The following DTHD1 variants were observed in gnomAD, a reference collection of about 807,000 sequenced individuals.
The protein encoded by DTHD1 is death domain containing 1.
DTHD1 carries 59 observed loss-of-function variants against 74.8 expected under a neutral mutation model. The ratio of observed to expected loss-of-function variants is 0.79; its 90% CI spans 0.64 to 0.98. DTHD1 has a LOEUF of 0.98. Ranked by LOEUF, DTHD1 falls within the 50% of genes least tolerant of loss-of-function variation. The probability of loss-of-function intolerance (pLI) is 0.00; values close to 1 mark genes in which losing one functional copy is unlikely to be tolerated. For synonymous variants in DTHD1, 365 were observed against 371.1 expected, an observed-to-expected ratio of 0.98 and a Z score of 0.19; for missense variants, 1,051 against 1,065.4, an observed-to-expected ratio of 0.99 and a Z score of 0.19.
At position 36,343,543 on chromosome 4, in the gene DTHD1, C is replaced by A. The variant is rs1405829681; in HGVS notation, c.2440C>A (p.Leu814Ile). The A allele has an allele frequency of 1.3e-6, 2 of 1,551,548 alleles. No homozygotes were observed. Among genetic ancestry groups the A allele is most frequent in the African/African-American group, 2.7e-5 (2 of 73,162 alleles). The change falls in exon 10 of 10, where the codon CTC (leucine) becomes ATC (isoleucine). Residue 814 changes from leucine (L) to isoleucine (I), a missense_variant. Physicochemically the swap from Leu to Ile is conservative, Grantham distance 5 (BLOSUM62 2). Transcript: ENST00000639862. ...DNLLHWLAEELSEENAESLSS... is the reference protein window; with the variant it reads ...DNLLHWLAEEISEENAESLSS... ...CTTGCTCCATTGGCTGGCTGAGGAG[C>A]TCTCAGAAGAAAATGCTGAGTCTCT...
In DTHD1 at chr4:36,290,505, A is replaced by G; in HGVS notation, c.1020A>G (p.Glu340=). 6.4e-7 allele frequency: 1 copy of G among 1,551,720 alleles called. No homozygotes were observed. The highest frequency in any genetic ancestry group is 8.7e-7 in the Non-Finnish European group (1 of 1,146,988). The stretch of plus-strand genomic sequence containing the variant: ...GTTCTTTAATAGTGGGTGATAATGA[A>G]GAGTTAGTTAGCAACGTCATAACTA... ...HMSSLIVGDN[E]ELVSNVITIE... The change falls in exon 3 of 10, where the codon GAA becomes GAG. Residue 340 remains glutamate, a synonymous_variant. Coordinates refer to ENST00000639862, the MANE Select transcript of DTHD1 (RefSeq NM_001170700.3).
At chr4:36,340,917 G>A (rs748101798) in intron 9 of DTHD1, among the ~76,000 whole-genome samples, 1 of 152,086 alleles carries the variant, frequency 6.6e-6, no homozygotes, top group African/African-American at 2.4e-5. Context: ...GAAGACAGCT[G>A]GCAAAGGGCA....
At chr4:36,338,455 G>A (rs544090116) in intron 8 of DTHD1, among the ~76,000 whole-genome samples, 5 of 152,030 alleles carry the variant, frequency 3.3e-5, no homozygotes, top group Non-Finnish European at 5.9e-5. Flanking sequence ...CATCCATAAA[G>A]ACATTTCAGG....
At position 36,284,007 on chromosome 4, in the gene DTHD1, A is replaced by G; in HGVS notation, c.303A>G (p.Lys101=). The change falls in exon 2 of 10, where the codon AAA becomes AAG. Residue 101 remains lysine (K), a synonymous_variant. Coordinates refer to ENST00000639862, the MANE Select transcript of DTHD1 (RefSeq NM_001170700.3). ...EIITFIDCLI[K]ITEHLGSTAA... ...TTACTTTCATAGACTGCCTCATAAA[A>G]ATAACTGAACATTTGGGGAGCACTG... 6.5e-7 allele frequency: 1 copy of G among 1,536,804 alleles called. No homozygotes were observed. The highest frequency in any genetic ancestry group is 8.7e-7 in the Non-Finnish European group (1 of 1,146,740).
At chr4:36,303,028 G>T (rs1428690800) in intron 5 of DTHD1, among the ~76,000 whole-genome samples, 1 of 152,112 alleles carries the variant, frequency 6.6e-6, no homozygotes, top group African/African-American at 2.4e-5. Context: ...AGATAAACTA[G>T]CATGACATTT....
rs778835630 is a variant in DTHD1, at chr4:36,308,458, T to A, written c.2060T>A (p.Leu687His). Residue 687 changes from leucine (L) to histidine (H), a missense_variant, in exon 7 of 10, where the codon CTT becomes CAT. Transcript: ENST00000639862. The part of the protein sequence containing the change: ...RHFQVREGEQ[L>H]LLRFTGNIFA... ...TTCCAAGTTCGAGAAGGAGAACAAC[T>A]TCTTTTAAGATTTACTGGAAACATA... 1.9e-6 allele frequency: 3 copies of A among 1,551,604 alleles called. No homozygotes were observed. Among genetic ancestry groups the A allele is most frequent in the Non-Finnish European group, 2.6e-6 (3 of 1,146,948 alleles).
rs1759605645 is a variant in DTHD1 at position 36,346,692 on chromosome 4, C to G, written c.*2868C>G. Among the ~76,000 whole-genome samples the G allele has an allele frequency of 6.6e-6, 1 of 151,954 alleles. No homozygotes were observed. Among genetic ancestry groups the G allele is most frequent in the African/African-American group, 2.4e-5 (1 of 41,364 alleles). ...ATCAGAGATGCCTTGTTCGCTTTTGCTAATGCAAAGCCCCAGCAGAAGACA... is the reference window on the plus strand; with the variant it reads ...ATCAGAGATGCCTTGTTCGCTTTTGGTAATGCAAAGCCCCAGCAGAAGACA... On this transcript the variant is annotated 3_prime_UTR_variant, in exon 10 of 10. Coordinates refer to ENST00000639862, the MANE Select transcript of DTHD1 (RefSeq NM_001170700.3).
chr4:36,293,086 T>C (rs934406139), intron 3 of DTHD1, among the ~76,000 whole-genome samples: 4 of 152,216 alleles, frequency 2.6e-5, no homozygotes, highest in Non-Finnish European at 5.9e-5. Flanking sequence ...GCACAGGTGT[T>C]ACAGTGTTTG....
In DTHD1 at chr4:36,290,426, C is replaced by T; in HGVS notation, c.941C>T (p.Thr314Ile). The change falls in exon 3 of 10, where the codon ACA becomes ATA. Residue 314 changes from threonine to isoleucine, a missense_variant. Transcript: ENST00000639862. ...VTGPQVSCYITAPSYVLQQLE... is the reference protein window; with the variant it reads ...VTGPQVSCYIIAPSYVLQQLE... Reference sequence around the variant, plus strand: ...GGCCCCCAAGTGTCTTGTTATATTACAGCACCATCATATGTTCTACAACAA... The same window carrying T: ...GGCCCCCAAGTGTCTTGTTATATTATAGCACCATCATATGTTCTACAACAA... The T allele has an allele frequency of 6.4e-7, 1 of 1,551,914 alleles. No homozygotes were observed. The highest frequency in any genetic ancestry group is 8.7e-7 in the Non-Finnish European group (1 of 1,147,004).
At chr4:36,318,816 G>T (rs552709105) in intron 8 of DTHD1, among the ~76,000 whole-genome samples, 123 of 152,002 alleles carry the variant, frequency 8.1e-4, no homozygotes, top group Non-Finnish European at 1.6e-3. Context: ...GGGTTTCACC[G>T]TGTTAGCCAG....
intron 5 of DTHD1, among the ~76,000 whole-genome samples, chr4:36,302,238 T>C (rs900524975): frequency 6.6e-6 from 1 of 152,202 alleles, no homozygotes; most frequent in Non-Finnish European, 1.5e-5. Flanking sequence ...CCGTTTTCAA[T>C]AGCAGTGAGG....
chr4:36,325,681 GA>G (rs1463731443), intron 8 of DTHD1, among the ~76,000 whole-genome samples: 1 of 152,168 alleles, frequency 6.6e-6, no homozygotes, highest in African/African-American at 2.4e-5. Context: ...AATATTGGCA[GA>G]TAGAGGAAGT....
At chr4:36,287,641 A>G (rs1423959592) in intron 2 of DTHD1, among the ~76,000 whole-genome samples, 1 of 152,192 alleles carries the variant, frequency 6.6e-6, no homozygotes, top group Non-Finnish European at 1.5e-5. Context: ...CATCCACACC[A>G]ACATCTTGTT....
In DTHD1 at chr4:36,290,491, G is replaced by A; in HGVS notation, c.1006G>A (p.Val336Met). The A allele has an allele frequency of 1.9e-6, 3 of 1,551,716 alleles. No homozygotes were observed. The highest frequency in any genetic ancestry group is 2.6e-6 in the Non-Finnish European group (3 of 1,146,988). The stretch of plus-strand genomic sequence containing the variant: ...AATAAATCACATGAGTTCTTTAATA[G>A]TGGGTGATAATGAAGAGTTAGTTAG... Reference protein sequence around the residue: ...RIINHMSSLIVGDNEELVSNV... With the variant: ...RIINHMSSLIMGDNEELVSNV... The change falls in exon 3 of 10, where the codon GTG becomes ATG. Residue 336 changes from valine to methionine, a missense_variant. Transcript: ENST00000639862.
chr4:36,291,273 G>T (rs1284222285), intron 3 of DTHD1, among the ~76,000 whole-genome samples: 1 of 152,174 alleles, frequency 6.6e-6, no homozygotes, highest in Non-Finnish European at 1.5e-5. Context: ...ACACTTTCTT[G>T]CTGTGTGAAC....
chr4:36,343,930 C>A lies in DTHD1; in HGVS notation c.*106C>A, dbSNP rs1759465322. The A allele has an allele frequency of 9.1e-7, 1 of 1,096,388 alleles. No homozygotes were observed. The highest frequency in any genetic ancestry group is 1.3e-6 in the Non-Finnish European group (1 of 787,128). 67.9% of individuals were successfully genotyped at this position (1,096,388 alleles called of 1,614,324 possible). ...CCGAATGATATTATTTGAAGTCAGT[C>A]TATTTAATGATGTGCTATTTAATGA... is the stretch of plus-strand genomic sequence containing the variant. On this transcript the variant is annotated 3_prime_UTR_variant, in exon 10 of 10. Coordinates refer to ENST00000639862, the MANE Select transcript of DTHD1 (RefSeq NM_001170700.3).
intron 7 of DTHD1, 140 bp from the exon 8 acceptor site, chr4:36,316,102 A>AT (rs1410608845): frequency 1.4e-6 from 1 of 727,714 alleles, no homozygotes; most frequent in African/African-American, 1.8e-5. Flanking sequence ...CGCCCGGTTA[A>AT]TTTTTTGTAT....
At chr4:36,319,266 G>A (rs1332743316) in intron 8 of DTHD1, among the ~76,000 whole-genome samples, 1 of 152,204 alleles carries the variant, frequency 6.6e-6, no homozygotes, top group South Asian at 2.1e-4. Context: ...CTGGCACATA[G>A]TAGGCACCCT....
chr4:36,306,311 G>C lies in DTHD1; in HGVS notation c.1764G>C (p.Gln588His). 13 of 1,551,550 alleles carry C rather than the reference G, an allele frequency of 8.4e-6. No homozygotes were observed. The highest frequency in any genetic ancestry group is 1.1e-5 in the Non-Finnish European group (13 of 1,146,888). ...CGLDDVVKTI[Q>H]SGLVSVELYE... ...TTGATGATGTTGTGAAAACCATACA[G>C]AGCGGCTTGGTATCAGTTGAATTGT... The change falls in exon 6 of 10, where the codon CAG (glutamine) becomes CAC (histidine). Residue 588 changes from glutamine to histidine, a missense_variant. Transcript: ENST00000639862.
Sources: allele counts gnomAD v4.1 joint callset (sites outside exome capture counted in the v4.1 genomes callset), GRCh38; gene constraint gnomAD v4.1.1; transcripts MANE v1.5; gene names NCBI Gene and HGNC (gene_info 2026-07-23, HGNC 2026-07-21).